The following PCDHGA9 variants were observed in gnomAD, a reference collection of about 807,000 sequenced individuals.
The protein encoded by PCDHGA9 is protocadherin gamma subfamily A, 9.
PCDHGA9 carries 37 observed loss-of-function variants against 62.5 expected under a neutral mutation model. That is an observed-to-expected ratio of 0.59 (90% CI 0.46 to 0.78). The LOEUF is 0.78. Among genes scored for constraint, PCDHGA9 ranks in the 30% least tolerant of loss-of-function variants. PCDHGA9 has a pLI of 0.00. For synonymous variants in PCDHGA9, 459 were observed against 484.6 expected, an observed-to-expected ratio of 0.95 and a Z score of 0.69; for missense variants, 1,138 against 1,166.2, an observed-to-expected ratio of 0.98 and a Z score of 0.35.
chr5:141,446,622 G>A (rs1338969669), intron 1 of PCDHGA9, among the ~76,000 whole-genome samples: 13 of 152,044 alleles, frequency 8.6e-5, no homozygotes, highest in East Asian at 1.9e-4. Flanking sequence ...GACTACAGGC[G>A]TGCACCACCA....
intron 1 of PCDHGA9, chr5:141,410,304 T>C (rs1232480024): frequency 6.2e-7 from 1 of 1,614,024 alleles, no homozygotes; most frequent in Non-Finnish European, 8.5e-7. Context: ...TTAATCTCAG[T>C]GCTCTTCCTC....
rs779292483 is a variant in PCDHGA9 at position 141,491,102 on chromosome 5, T to C, written c.2425-3705T>C. The C allele has an allele frequency of 6.2e-7, 1 of 1,614,152 alleles. No individual in the cohort carries two copies. Among genetic ancestry groups the C allele is most frequent in the Non-Finnish European group, 8.5e-7 (1 of 1,180,006 alleles). ...TCCACAGCCCCAGGACTGTTCCTCG[T>C]GTCTACACACACTGGTGAGGTGCGC... On this transcript the variant is annotated intron_variant, in intron 1 of 3. Transcript: ENST00000573521. This position sits in a 1 kb window ranked among gnomAD's most constrained non-coding sequence, Gnocchi z 6.9.
At chr5:141,483,648 T>TTGTGTGTGTG (rs111458813) in intron 1 of PCDHGA9, among the ~76,000 whole-genome samples, 23 of 149,708 alleles carry the variant, frequency 1.5e-4, no homozygotes, top group African/African-American at 3.9e-4. Context: ...GGGTGTGTGT[T>TTGTGTGTGTG]TGTGTGTGTG....
At chr5:141,467,728 C>A (rs2099150053) in intron 1 of PCDHGA9, among the ~76,000 whole-genome samples, 1 of 152,058 alleles carries the variant, frequency 6.6e-6, no homozygotes, top group Admixed American at 6.5e-5. Context: ...GTGGCACAAT[C>A]CCAGCTCGCT....
At position 141,491,566 on chromosome 5, in the gene PCDHGA9, A is replaced by G; in HGVS notation, c.2425-3241A>G. Reference sequence around the variant, plus strand: ...AGACTCGCAGAGCCACTGCTACAGGACGTGCTTTTCACCGGCCTCGGACGG... The same window carrying G: ...AGACTCGCAGAGCCACTGCTACAGGGCGTGCTTTTCACCGGCCTCGGACGG... On this transcript the variant is annotated intron_variant, in intron 1 of 3. Transcript: ENST00000573521. This position sits in a 1 kb window ranked among gnomAD's most constrained non-coding sequence, Gnocchi z 6.9. 1 of 1,613,950 alleles carries G rather than the reference A, an allele frequency of 6.2e-7. No individual in the cohort carries two copies.
rs959855220 is a variant in PCDHGA9, at chr5:141,476,280, G to A, written c.2425-18527G>A. 4 of 1,614,010 alleles carry A rather than the reference G, an allele frequency of 2.5e-6. No individual in the cohort carries two copies. In the African/African-American group the frequency reaches 5.3e-5, roughly 22 times the overall value. On this transcript the variant is annotated intron_variant, in intron 1 of 3. Transcript: ENST00000573521. This position sits in a 1 kb window ranked among gnomAD's most constrained non-coding sequence, Gnocchi z 7.6. ...GTGGGCAACGTGGTCGCGAACCTTG[G>A]TTTGGATCTCGGTAGCCTCTCAGCC...
rs143767010 is a variant in PCDHGA9 at position 141,460,190 on chromosome 5, A to G, written c.2425-34617A>G. 3.2e-3 allele frequency among the ~76,000 whole-genome samples: 486 copies of G among 152,218 alleles called. 1 individual carries two copies. Among genetic ancestry groups the G allele is most frequent in the Non-Finnish European group, 4.9e-3 (336 of 68,006 alleles). ...TTTTGTGGATATTTTATCCCAGACTATGACTTGTCTTTTCATTTTCTTAGT... is the reference window on the plus strand; with the variant it reads ...TTTTGTGGATATTTTATCCCAGACTGTGACTTGTCTTTTCATTTTCTTAGT... On this transcript the variant is annotated intron_variant, in intron 1 of 3. Coordinates refer to ENST00000573521, the MANE Select transcript of PCDHGA9 (RefSeq NM_018921.3).
chr5:141,467,203 C>T (rs896621746), intron 1 of PCDHGA9, among the ~76,000 whole-genome samples: 1 of 152,052 alleles, frequency 6.6e-6, no homozygotes, highest in African/African-American at 2.4e-5. Flanking sequence ...CAGGCACATG[C>T]CACCATGCCT....
Position 141,432,036 on chromosome 5 carries a change from AC to A in PCDHGA9, c.2424+26662del, listed in dbSNP as rs1419691535. The A allele has an allele frequency of 6.2e-7, 1 of 1,614,218 alleles. No individual in the cohort carries two copies. The highest frequency in any genetic ancestry group is 1.3e-5 in the African/African-American group (1 of 75,048). On this transcript the variant is annotated intron_variant, in intron 1 of 3. Coordinates refer to ENST00000573521, the MANE Select transcript of PCDHGA9 (RefSeq NM_018921.3). This position sits in a 1 kb window ranked among gnomAD's most constrained non-coding sequence, Gnocchi z 6.0. ...TACAACATCACAGTGACCGCCACTG[AC>A]CGGGGAACCCCGCCCCTATCCACGG...
chr5:141,455,905 T>TTATG (rs2098836561), intron 1 of PCDHGA9, among the ~76,000 whole-genome samples: 1 of 148,340 alleles, frequency 6.7e-6, no homozygotes, highest in Admixed American at 6.7e-5. Flanking sequence ...ATTTATTTAT[T>TTATG]TATTTATTTT....
At chr5:141,433,211 T>TC in intron 1 of PCDHGA9, 1 of 1,568,160 alleles carries the variant, frequency 6.4e-7, no homozygotes, top group Non-Finnish European at 8.6e-7. Context: ...CTTCTTTCTT[T>TC]TTTTTTTTTA....
intron 1 of PCDHGA9, among the ~76,000 whole-genome samples, chr5:141,474,136 G>A (rs1383142266): frequency 1.3e-5 from 2 of 152,056 alleles, no homozygotes; most frequent in East Asian, 3.8e-4. Context: ...AAAACTACAG[G>A]CCTTATTATC....
intron 1 of PCDHGA9, chr5:141,418,622 G>A: frequency 2.5e-6 from 4 of 1,614,026 alleles, no homozygotes; most frequent in Non-Finnish European, 3.4e-6. Context: ...TCGGGAAGAC[G>A]TGCCTCCAGG....
intron 1 of PCDHGA9, among the ~76,000 whole-genome samples, chr5:141,406,857 A>T (rs1377435171): frequency 2.0e-5 from 3 of 152,244 alleles, no homozygotes; most frequent in Admixed American, 2.0e-4. Flanking sequence ...TTAAGAAAAT[A>T]TTCTCAGGAA....
rs758099753 is a variant in PCDHGA9, at chr5:141,432,129, A to G, written c.2424+26753A>G. The G allele has an allele frequency of 5.6e-6, 9 of 1,614,054 alleles. No homozygotes were observed. The highest frequency in any genetic ancestry group is 5.5e-5 in the South Asian group (5 of 91,056). On this transcript the variant is annotated intron_variant, in intron 1 of 3. Transcript: ENST00000573521. The surrounding 1 kb of genome is among the most constrained non-coding windows in gnomAD (Gnocchi z 6.0). Reference sequence around the variant, plus strand: ...CCGCCGGTCTTCCCTCAGGCCTCCTATTCCGCTTATATCCCAGAGAACAAT... The same window carrying G: ...CCGCCGGTCTTCCCTCAGGCCTCCTGTTCCGCTTATATCCCAGAGAACAAT...
intron 1 of PCDHGA9, chr5:141,414,584 C>G (rs1359132446): frequency 3.1e-6 from 5 of 1,613,956 alleles, no homozygotes; most frequent in Non-Finnish European, 4.2e-6. Context: ...GAGAACAACG[C>G]CAGGGGTGCC....
rs539901154 is a variant in PCDHGA9, at chr5:141,413,036, T to C, written c.2424+7660T>C. 238 of 805,778 alleles carry C rather than the reference T, an allele frequency of 3.0e-4. 1 individual carries two copies. Among genetic ancestry groups the C allele is most frequent in the Non-Finnish European group, 4.2e-4 (226 of 532,568 alleles). 49.9% of individuals were successfully genotyped at this position (805,778 alleles called of 1,614,324 possible). On this transcript the variant is annotated intron_variant, in intron 1 of 3. Transcript: ENST00000573521. ...TACACAAGCCCCACAAACCGGCTGC[T>C]GGGCTGCAGGGAAGCTCACTCCAGA...
At chr5:141,455,375 G>A (rs1247820974) in intron 1 of PCDHGA9, among the ~76,000 whole-genome samples, 1 of 152,132 alleles carries the variant, frequency 6.6e-6, no homozygotes, top group Non-Finnish European at 1.5e-5. Context: ...GAAGGGAGAA[G>A]ACAGAAGGAA....
At chr5:141,480,205 A>G (rs2099514310) in intron 1 of PCDHGA9, among the ~76,000 whole-genome samples, 1 of 151,108 alleles carries the variant, frequency 6.6e-6, no homozygotes, top group Admixed American at 6.6e-5. Flanking sequence ...GCAGTTCAAG[A>G]CCAGCCTGAG....
Sources: allele counts gnomAD v4.1 joint callset (sites outside exome capture counted in the v4.1 genomes callset), GRCh38; gene constraint gnomAD v4.1.1; non-coding constraint Gnocchi (gnomAD v3.1); transcripts MANE v1.5; gene names NCBI Gene and HGNC (gene_info 2026-07-23, HGNC 2026-07-21).